The following NUP155 variants were observed in gnomAD, a reference collection of about 807,000 sequenced individuals.
NUP155 encodes the protein nuclear pore complex protein Nup155.
Under a neutral mutation model 180.4 loss-of-function variants are expected in NUP155, and 71 were observed. That is an observed-to-expected ratio of 0.39 (90% CI 0.33 to 0.48). The LOEUF (loss-of-function observed/expected upper bound fraction) is 0.48, where lower values mean the gene tolerates loss of function less well. Ranked by LOEUF, NUP155 falls within the 20% of genes least tolerant of loss-of-function variation. The probability of loss-of-function intolerance (pLI) is 0.91; values close to 1 mark genes in which losing one functional copy is unlikely to be tolerated. For synonymous variants in NUP155, 582 were observed against 559.5 expected (o/e 1.04, Z -0.57); for missense variants, 1,553 against 1,648.9 (o/e 0.94, Z 1.01).
chr5:37,345,169 G>T (rs1745994378), intron 9 of NUP155, among the ~76,000 whole-genome samples: 1 of 151,834 alleles, frequency 6.6e-6, no homozygotes, highest in Non-Finnish European at 1.5e-5. Context: ...AAAAGATTTT[G>T]GGGACTACTG....
chr5:37,365,738 A>AAAAAAT lies in NUP155; in HGVS notation c.158-1355_158-1354insATTTTT, dbSNP rs1561818758. Among the ~76,000 whole-genome samples, 63 of 37,132 alleles carry AAAAAAT rather than the reference A, an allele frequency of 1.7e-3. 1 individual carries two copies. Among genetic ancestry groups the AAAAAAT allele is most frequent in the East Asian group, 3.6e-3 (4 of 1,108 alleles). The allele number at this position is 37,132 out of a possible 152,430, so 24.4% of individuals were successfully genotyped here. ...GAAAAAAAAAAAAAAAAAAAAAAAA[A>AAAAAAT]ATATATATATATATACACACACACA... On this transcript the variant is annotated intron_variant, in intron 1 of 34. Transcript: ENST00000231498.
At chr5:37,337,968 C>T in intron 11 of NUP155, 50 bp from the exon 12 acceptor site, 1 of 1,078,412 alleles carries the variant, frequency 9.3e-7, no homozygotes, top group Non-Finnish European at 1.4e-6. Context: ...AATATGCATC[C>T]TCAATAACCT....
At chr5:37,304,961 G>C (rs1743070188) in intron 26 of NUP155, 96 bp downstream of exon 26, 7 of 1,533,048 alleles carry the variant, frequency 4.6e-6, no homozygotes, top group Non-Finnish European at 5.4e-6. Flanking sequence ...TAACTTCTAA[G>C]AACTACCACC....
At position 37,293,997 on chromosome 5, in the gene NUP155, C is replaced by T. The variant is rs1458546419; in HGVS notation, c.3930+332G>A. ...GTCCGGCCTGGGCAACAGAGCGAGA[C>T]GCCGTCTCAAAAAAAAAAAAAAAAA... On this transcript the variant is annotated intron_variant, in intron 33 of 34. Coordinates refer to ENST00000231498, the MANE Select transcript of NUP155 (RefSeq NM_153485.3). Among the ~76,000 whole-genome samples the T allele has an allele frequency of 1.8e-4, 5 of 28,060 alleles. 1 individual carries two copies. Among genetic ancestry groups the T allele is most frequent in the Non-Finnish European group, 1.4e-4 (3 of 20,866 alleles). The allele number at this position is 28,060 out of a possible 152,430, so 18.4% of individuals were successfully genotyped here.
rs1017427617 is a variant in NUP155 at position 37,301,790 on chromosome 5, A to C, written c.3448-240T>G. Among the ~76,000 whole-genome samples, 3 of 152,192 alleles carry C rather than the reference A, an allele frequency of 2.0e-5. No homozygotes were observed. The South Asian group carries it at 6.2e-4, about 32-fold the overall frequency. ...CTTATACCTTCCAAGACTGTAGCCA[A>C]ATGGTTAGACTATACAGCTCAGCCT... On this transcript the variant is annotated intron_variant, in intron 29 of 34. Coordinates refer to ENST00000231498, the MANE Select transcript of NUP155 (RefSeq NM_153485.3).
chr5:37,329,291 C>G lies in NUP155; in HGVS notation c.1725-13G>C. On this transcript the variant is annotated splice_polypyrimidine_tract_variant and intron_variant, in intron 15 of 34. Transcript: ENST00000231498. ...TTCACCACCATACCTATTTTTATGA[C>G]AAGAGGTTGAGTTTATTCAGTAAAA... 1 of 1,601,446 alleles carries G rather than the reference C, an allele frequency of 6.2e-7. No individual in the cohort carries two copies.
At position 37,291,267 on chromosome 5, in the gene NUP155, A is replaced by T. The variant is rs1742218410; in HGVS notation, c.*633T>A. ...GAGGTTTTTTTGTTTTTTGAGACAG[A>T]GTCTCGCCCTGTTGCCTGGGCTGGA... On this transcript the variant is annotated 3_prime_UTR_variant, in exon 35 of 35. Transcript: ENST00000231498. 6.6e-6 allele frequency: 1 copy of T among 152,300 alleles called. No homozygotes were observed. The highest frequency in any genetic ancestry group is 1.5e-5 in the Non-Finnish European group (1 of 68,162). 9.4% of individuals were successfully genotyped at this position (152,300 alleles called of 1,614,324 possible).
intron 11 of NUP155, 58 bp from the exon 12 acceptor site, chr5:37,337,976 C>A (rs765075926): frequency 1.1e-4 from 113 of 1,067,098 alleles, no homozygotes; most frequent in Non-Finnish European, 1.4e-4. Flanking sequence ...TCCTCAATAA[C>A]CTTAATAATT....
Position 37,324,604 on chromosome 5 carries a change from G to A in NUP155, c.2092-497C>T, listed in dbSNP as rs182114732. On this transcript the variant is annotated intron_variant, in intron 19 of 34. Coordinates refer to ENST00000231498, the MANE Select transcript of NUP155 (RefSeq NM_153485.3). Reference sequence around the variant, plus strand: ...GACAGCGTCTTGTTGTTGCCTGGGAGTGTAGTGGCGCGGATCATATCTTAC... The same window carrying A: ...GACAGCGTCTTGTTGTTGCCTGGGAATGTAGTGGCGCGGATCATATCTTAC... 2.5e-4 allele frequency among the ~76,000 whole-genome samples: 38 copies of A among 152,094 alleles called. No homozygotes were observed. The East Asian group carries it at 7.1e-3, about 29-fold the overall frequency.
At chr5:37,333,141 G>T (rs955269197) in intron 13 of NUP155, among the ~76,000 whole-genome samples, 1 of 152,032 alleles carries the variant, frequency 6.6e-6, no homozygotes, top group African/African-American at 2.4e-5. Flanking sequence ...GACCACCTGA[G>T]ATCAGGAGTT....
rs1746368626 is a variant in NUP155, at chr5:37,350,239, T to C, written c.750A>G (p.Arg250=). ...YQAEAGWFSQ[R]CRKINHSKSS... ...TCTTTGAGTGGTTTATTTTCCTACA[T>C]CTTTGGCTAAACCACCCTGCTTCAG... Residue 250 remains arginine, a synonymous_variant, in exon 7 of 35, where the codon AGA becomes AGG. Coordinates refer to ENST00000231498, the MANE Select transcript of NUP155 (RefSeq NM_153485.3). 2 of 1,613,728 alleles carry C rather than the reference T, an allele frequency of 1.2e-6. No individual in the cohort carries two copies. Among genetic ancestry groups the C allele is most frequent in the Non-Finnish European group, 1.7e-6 (2 of 1,179,856 alleles).
At chr5:37,344,170 T>A (rs1003478296) in intron 9 of NUP155, among the ~76,000 whole-genome samples, 1 of 151,628 alleles carries the variant, frequency 6.6e-6, no homozygotes, top group Non-Finnish European at 1.5e-5. Context: ...TGAAACCCCA[T>A]CTCTACTAAA....
At chr5:37,328,787 G>A (rs1337730339) in intron 16 of NUP155, among the ~76,000 whole-genome samples, 1 of 152,182 alleles carries the variant, frequency 6.6e-6, no homozygotes, top group Non-Finnish European at 1.5e-5. Flanking sequence ...TTACAGGTGT[G>A]AGCCATTGTG....
At chr5:37,317,951 G>T in intron 21 of NUP155, 37 bp downstream of exon 21, 1 of 1,089,330 alleles carries the variant, frequency 9.2e-7, no homozygotes, top group Non-Finnish European at 1.4e-6. Flanking sequence ...TTTTACTGAG[G>T]TCATGTACGC....
At chr5:37,321,919 G>A (rs1169714621) in intron 20 of NUP155, among the ~76,000 whole-genome samples, 1 of 152,032 alleles carries the variant, frequency 6.6e-6, no homozygotes, top group African/African-American at 2.4e-5. Context: ...GCAATGGCAC[G>A]ATCTGGGCTC....
At position 37,302,868 on chromosome 5, in the gene NUP155, G is replaced by A; in HGVS notation, c.3358C>T (p.Arg1120Ter). 1 of 1,613,504 alleles carries A rather than the reference G, an allele frequency of 6.2e-7. No individual in the cohort carries two copies. Among genetic ancestry groups the A allele is most frequent in the Non-Finnish European group, 8.5e-7 (1 of 1,179,626 alleles). The change falls in exon 29 of 35, where the codon CGA becomes TGA. Residue 1120 changes from arginine (R) to a stop codon, truncating the protein, a stop_gained. Coordinates refer to ENST00000231498, the MANE Select transcript of NUP155 (RefSeq NM_153485.3). LOFTEE classifies it high-confidence loss of function. ...GAACTTTTGGCACTAAGAATGGCTCGAGCAATGTACTCTAGTCGCTGCTGA... is the reference window on the plus strand; with the variant it reads ...GAACTTTTGGCACTAAGAATGGCTCAAGCAATGTACTCTAGTCGCTGCTGA... ...SLQQRLEYIA[R>*]AILSAKSSTA...
At chr5:37,350,126 G>A (rs1237920823) in intron 7 of NUP155, 34 bp downstream of exon 7, 2 of 1,431,058 alleles carry the variant, frequency 1.4e-6, no homozygotes, top group Admixed American at 1.7e-5. Flanking sequence ...TTAGAAATTA[G>A]TTGTACTTGC....
At chr5:37,366,703 G>A (rs147746611) in intron 1 of NUP155, among the ~76,000 whole-genome samples, 198 of 149,840 alleles carry the variant, frequency 1.3e-3, no homozygotes, top group African/African-American at 4.8e-3. Context: ...ACAGGCTGGA[G>A]TGCAGTGGCC....
At chr5:37,304,654 AT>A in intron 27 of NUP155, 84 bp downstream of exon 27, 1 of 991,782 alleles carries the variant, frequency 1.0e-6, no homozygotes, top group African/African-American at 1.6e-5. Flanking sequence ...GAGAAACTGA[AT>A]TTTTTACATC....
Sources: gnomAD v4.1 joint callset for allele counts (sites outside exome capture counted in the v4.1 genomes callset) on GRCh38, gnomAD v4.1.1 for gene constraint, MANE v1.5 for transcripts, NCBI Gene and HGNC (gene_info 2026-07-23, HGNC 2026-07-21) for gene names.